The following OPCML variants were observed in gnomAD, a reference collection of about 807,000 sequenced individuals.
OPCML encodes opioid binding protein/cell adhesion molecule like.
Under a neutral mutation model 37.8 loss-of-function variants are expected in OPCML, and 13 were observed. That is an observed-to-expected ratio of 0.34 (90% CI 0.22 to 0.55). The LOEUF is 0.55. Among genes scored for constraint, OPCML ranks in the 20% least tolerant of loss-of-function variants. OPCML has a pLI of 0.91. For synonymous variants in OPCML, 176 were observed against 168.8 expected (o/e 1.04, Z -0.33); for missense variants, 341 against 435.6 (o/e 0.78, Z 1.93).
At chr11:132,462,037 A>G (rs2096103851) in intron 4 of OPCML, among the ~76,000 whole-genome samples, 1 of 152,204 alleles carries the variant, frequency 6.6e-6, no homozygotes. Context: ...GAATAAATAT[A>G]GGTGACAATG....
intron 1 of OPCML, among the ~76,000 whole-genome samples, chr11:133,380,256 A>AC (rs1338510737): frequency 1.3e-5 from 2 of 152,206 alleles, no homozygotes; most frequent in East Asian, 3.8e-4. Context: ...TTTTATTTAG[A>AC]CCCAAAAGAA....
chr11:133,185,653 A>G (rs1938037565), intron 1 of OPCML, among the ~76,000 whole-genome samples: 1 of 152,152 alleles, frequency 6.6e-6, no homozygotes, highest in African/African-American at 2.4e-5. Context: ...AGCAAGAAAA[A>G]TGGCATATTT....
intron 4 of OPCML, among the ~76,000 whole-genome samples, chr11:132,523,198 C>T (rs1228727224): frequency 2.0e-5 from 3 of 152,198 alleles, no homozygotes; most frequent in Admixed American, 6.5e-5. Flanking sequence ...TGAGCCACCG[C>T]GCTCAGCTGA....
chr11:132,875,361 G>T (rs941492425), intron 2 of OPCML, among the ~76,000 whole-genome samples: 9 of 151,866 alleles, frequency 5.9e-5, no homozygotes, highest in African/African-American at 2.2e-4. Context: ...TTATATAAAT[G>T]ACTGATTTAT....
intron 1 of OPCML, among the ~76,000 whole-genome samples, chr11:133,323,767 C>G (rs534006949): frequency 6.6e-6 from 1 of 152,154 alleles, no homozygotes; most frequent in Non-Finnish European, 1.5e-5. Flanking sequence ...AAATAAAGAA[C>G]GGAGTGGCCA....
At chr11:133,113,213 C>A (rs1450581272) in intron 1 of OPCML, among the ~76,000 whole-genome samples, 1 of 152,172 alleles carries the variant, frequency 6.6e-6, no homozygotes, top group Non-Finnish European at 1.5e-5. Flanking sequence ...CTCTTTCCAT[C>A]TGCCTTATTT....
At chr11:132,721,118 C>T (rs1944658995) in intron 2 of OPCML, among the ~76,000 whole-genome samples, 5 of 152,152 alleles carry the variant, frequency 3.3e-5, no homozygotes, top group Admixed American at 2.6e-4. Flanking sequence ...TTCATTCATT[C>T]ATTCATTCAA....
chr11:133,081,921 G>A (rs1458269208), intron 1 of OPCML, among the ~76,000 whole-genome samples: 1 of 152,070 alleles, frequency 6.6e-6, no homozygotes, highest in Non-Finnish European at 1.5e-5. Context: ...TCTCTTCCAG[G>A]CATCTGTCCC....
chr11:132,832,624 T>C (rs933973253), intron 2 of OPCML, among the ~76,000 whole-genome samples: 4 of 152,244 alleles, frequency 2.6e-5, no homozygotes, highest in African/African-American at 9.6e-5. Context: ...ATATGCCTAA[T>C]CATGTATGCT....
chr11:133,388,415 A>AGG (rs1354443672), intron 1 of OPCML, among the ~76,000 whole-genome samples: 3 of 152,290 alleles, frequency 2.0e-5, no homozygotes, highest in African/African-American at 7.2e-5. Context: ...GGGATGTGTC[A>AGG]GGGGAAGGAG....
intron 1 of OPCML, among the ~76,000 whole-genome samples, chr11:133,494,012 CAA>C (rs11299378): frequency 1.4e-5 from 2 of 139,420 alleles, no homozygotes; most frequent in Admixed American, 7.2e-5. Context: ...AACAAATTTA[CAA>C]AAAAAAAAAA....
At chr11:133,447,221 C>A (rs1946490684) in intron 1 of OPCML, among the ~76,000 whole-genome samples, 1 of 152,030 alleles carries the variant, frequency 6.6e-6, no homozygotes. Flanking sequence ...GTCTTTTTTT[C>A]TTCAATTGAA....
intron 1 of OPCML, among the ~76,000 whole-genome samples, chr11:133,135,605 G>A (rs919500457): frequency 6.6e-5 from 10 of 152,042 alleles, no homozygotes; most frequent in African/African-American, 2.4e-4. Context: ...ACTTTTAAAA[G>A]TCCTTTTCAT....
At chr11:132,923,092 A>AAATAAATAAATAAATAAT (rs151184353) in intron 2 of OPCML, among the ~76,000 whole-genome samples, 2 of 148,604 alleles carry the variant, frequency 1.3e-5, no homozygotes, top group African/African-American at 2.5e-5. Context: ...ATAAATAAAT[A>AAATAAATAAATAAATAAT]AATAATAATA....
intron 1 of OPCML, among the ~76,000 whole-genome samples, chr11:133,096,138 G>GTGTT (rs1948999166): frequency 6.6e-6 from 1 of 150,400 alleles, no homozygotes; most frequent in Non-Finnish European, 1.5e-5. Flanking sequence ...AAATGTGTGT[G>GTGTT]TGTGTGTGTG....
intron 1 of OPCML, among the ~76,000 whole-genome samples, chr11:133,053,664 A>T (rs572085517): frequency 6.6e-6 from 1 of 152,308 alleles, no homozygotes; most frequent in African/African-American, 2.4e-5. Context: ...CTTCTGGGAA[A>T]GCACGCTCCA....
intron 2 of OPCML, among the ~76,000 whole-genome samples, chr11:132,910,122 T>C (rs969292039): frequency 3.9e-5 from 6 of 152,162 alleles, no homozygotes; most frequent in Admixed American, 3.3e-4. Flanking sequence ...CAGAAGGCAC[T>C]CCTCCTCTGA....
At chr11:132,497,286 T>C (rs1381263641) in intron 4 of OPCML, among the ~76,000 whole-genome samples, 1 of 151,760 alleles carries the variant, frequency 6.6e-6, no homozygotes, top group East Asian at 2.0e-4. Flanking sequence ...GAAGAATAGC[T>C]AATGGATGCT....
chr11:133,312,831 C>A (rs538024601), intron 1 of OPCML, among the ~76,000 whole-genome samples: 2 of 152,310 alleles, frequency 1.3e-5, no homozygotes, highest in East Asian at 1.9e-4. Context: ...CATTTAACTT[C>A]TTTAAGCCTC....
Sources: gnomAD v4.1 joint callset for allele counts (sites outside exome capture counted in the v4.1 genomes callset) on GRCh38, gnomAD v4.1.1 for gene constraint, MANE v1.5 for transcripts, NCBI Gene and HGNC (gene_info 2026-07-23, HGNC 2026-07-21) for gene names.